CRMP1: variants seen among roughly 807,000 people sequenced by gnomAD.
CRMP1 encodes collapsin response mediator protein 1.
CRMP1 carries 19 observed loss-of-function variants against 68.3 expected under a neutral mutation model. That is an observed-to-expected ratio of 0.28 (90% confidence interval 0.19 to 0.41). The LOEUF is 0.41. CRMP1 is among the 10% of genes least tolerant of loss of function. The probability of loss-of-function intolerance (pLI) is 1.00; values close to 1 mark genes in which losing one functional copy is unlikely to be tolerated. For synonymous variants in CRMP1, 439 were observed against 399.6 expected (o/e 1.10, Z -1.18); for missense variants, 791 against 967.4 (o/e 0.82, Z 2.42).
In CRMP1 at chr4:5,870,350, A is replaced by G. The variant is rs1321456504; in HGVS notation, c.382-3594T>C. Among the ~76,000 whole-genome samples, 1 of 152,226 alleles carries G rather than the reference A, an allele frequency of 6.6e-6. No homozygotes were observed. Among genetic ancestry groups the G allele is most frequent in the Non-Finnish European group, 1.5e-5 (1 of 68,034 alleles). ...TATTTCTAGGTCTGTCTAAAATGTA[A>G]CTTGCCACACTGGAATCACAGCTTT... On this transcript the variant is annotated intron_variant, in intron 1 of 13. Transcript: ENST00000324989. This position sits in a 1 kb window ranked among gnomAD's most constrained non-coding sequence, Gnocchi z 6.0.
Position 5,855,019 on chromosome 4 carries a change from A to T in CRMP1, c.820+1124T>A, listed in dbSNP as rs1404918329. Reference sequence around the variant, plus strand: ...TAAAAAGAAAATAGCTAAGCAAATTAACCATTATATTATACATTACAAGCC... The same window carrying T: ...TAAAAAGAAAATAGCTAAGCAAATTTACCATTATATTATACATTACAAGCC... On this transcript the variant is annotated intron_variant, in intron 4 of 13. Transcript: ENST00000324989. This position sits in a 1 kb window ranked among gnomAD's most constrained non-coding sequence, Gnocchi z 4.9. 6.6e-6 allele frequency among the ~76,000 whole-genome samples: 1 copy of T among 152,234 alleles called. No individual in the cohort carries two copies. Among genetic ancestry groups the T allele is most frequent in the Non-Finnish European group, 1.5e-5 (1 of 68,030 alleles).
intron 11 of CRMP1, among the ~76,000 whole-genome samples, chr4:5,835,247 G>A (rs554210109): frequency 7.2e-5 from 11 of 152,296 alleles, no homozygotes; most frequent in African/African-American, 2.4e-4. Flanking sequence ...GGGTCTGTGC[G>A]TGTAGTTGTT....
At chr4:5,851,957 AAGGAGGAAGAGGAAGAGG>A (rs141990206) in intron 4 of CRMP1, among the ~76,000 whole-genome samples, 98,891 of 141,576 alleles carry the variant, frequency 0.7, 34,847 homozygotes, top group East Asian at 0.85. Flanking sequence ...AAGGGAGAAG[AAGGAGGAAGAGGAAGAGG>A]AGGAGGAAGA....
rs1713287548 is a variant in CRMP1 at position 5,858,381 on chromosome 4, G to A, written c.656-2074C>T. Among the ~76,000 whole-genome samples, 1 of 151,134 alleles carries A rather than the reference G, an allele frequency of 6.6e-6. No individual in the cohort carries two copies. Among genetic ancestry groups the A allele is most frequent in the South Asian group, 2.1e-4 (1 of 4,766 alleles). The stretch of plus-strand genomic sequence containing the variant: ...CTCAAAAGCTCCCCCAAATGAGAAT[G>A]TCCAAAACCTCATGCAATACTCTCC... On this transcript the variant is annotated intron_variant, in intron 3 of 13. Transcript: ENST00000324989. This position sits in a 1 kb window ranked among gnomAD's most constrained non-coding sequence, Gnocchi z 5.5.
chr4:5,860,051 G>A lies in CRMP1; in HGVS notation c.655+975C>T, dbSNP rs1394339751. On this transcript the variant is annotated intron_variant, in intron 3 of 13. Coordinates refer to ENST00000324989, the MANE Select transcript of CRMP1 (RefSeq NM_001014809.3). This position sits in a 1 kb window ranked among gnomAD's most constrained non-coding sequence, Gnocchi z 4.2. ...CATCGGGCTGCACAGGGCAATGGAG[G>A]AGGAGTCCAGTTTCCCAGACCGAGC... Among the ~76,000 whole-genome samples the A allele has an allele frequency of 6.6e-6, 1 of 152,086 alleles. No homozygotes were observed.
chr4:5,825,314 T>A lies in CRMP1; in HGVS notation c.1969+180A>T, dbSNP rs956972452. 2 of 985,094 alleles carry A rather than the reference T, an allele frequency of 2.0e-6. No homozygotes were observed. Among genetic ancestry groups the A allele is most frequent in the African/African-American group, 3.5e-5 (2 of 57,154 alleles). The allele number at this position is 985,094 out of a possible 1,614,324, so 61.0% of individuals were successfully genotyped here. On this transcript the variant is annotated intron_variant, in intron 13 of 13. Coordinates refer to ENST00000324989, the MANE Select transcript of CRMP1 (RefSeq NM_001014809.3). This position sits in a 1 kb window ranked among gnomAD's most constrained non-coding sequence, Gnocchi z 4.4. ...CCCCTAACATGGACCCCCCTCTGCT[T>A]GGTGACCATGCCAGCCCACTCTGCC...
intron 1 of CRMP1, among the ~76,000 whole-genome samples, chr4:5,868,307 A>ATATATATATATCTAT (rs1307956661): frequency 9.4e-6 from 1 of 106,650 alleles, no homozygotes; most frequent in African/African-American, 3.1e-5. Context: ...ATATATACAT[A>ATATATATATATCTAT]ATTTTTTTTT....
Position 5,877,777 on chromosome 4 carries a change from A to G in CRMP1, c.382-11021T>C, listed in dbSNP as rs570737426. 6.6e-6 allele frequency among the ~76,000 whole-genome samples: 1 copy of G among 152,288 alleles called. No individual in the cohort carries two copies. The highest frequency in any genetic ancestry group is 2.1e-4 in the South Asian group (1 of 4,818). On this transcript the variant is annotated intron_variant, in intron 1 of 13. Coordinates refer to ENST00000324989, the MANE Select transcript of CRMP1 (RefSeq NM_001014809.3). This position sits in a 1 kb window ranked among gnomAD's most constrained non-coding sequence, Gnocchi z 4.3. ...GCCTGTTTCCATGACAACTGCAGTT[A>G]TAAGTGCACAATTTCAGGTCCCACT...
chr4:5,876,352 C>A (rs36040327), intron 1 of CRMP1, among the ~76,000 whole-genome samples: 1 of 152,068 alleles, frequency 6.6e-6, no homozygotes. Flanking sequence ...ATGGCCCCCA[C>A]TAGAGCAGTC....
At chr4:5,837,607 G>A (rs1000176136) in intron 9 of CRMP1, among the ~76,000 whole-genome samples, 2 of 118,656 alleles carry the variant, frequency 1.7e-5, no homozygotes, top group Admixed American at 8.1e-5. Flanking sequence ...CAGCCTGGGC[G>A]ACAAGAGCAA....
chr4:5,879,803 A>G lies in CRMP1; in HGVS notation c.381+12786T>C, dbSNP rs1715109464. Among the ~76,000 whole-genome samples the G allele has an allele frequency of 6.6e-6, 1 of 152,206 alleles. No individual in the cohort carries two copies. Among genetic ancestry groups the G allele is most frequent in the Non-Finnish European group, 1.5e-5 (1 of 68,044 alleles). ...CTCGTTTAAGAGGTTCCCAGTAATT[A>G]AAGTTTTATTTGGATTCCTTTTTAT... is the stretch of plus-strand genomic sequence containing the variant. On this transcript the variant is annotated intron_variant, in intron 1 of 13. Transcript: ENST00000324989. This position sits in a 1 kb window ranked among gnomAD's most constrained non-coding sequence, Gnocchi z 4.2.
Position 5,892,661 on chromosome 4 carries a change from G to T in CRMP1, c.309C>A (p.Asp103Glu). 3 of 1,194,544 alleles carry T rather than the reference G, an allele frequency of 2.5e-6. No homozygotes were observed. The highest frequency in any genetic ancestry group is 3.1e-6 in the Non-Finnish European group (3 of 963,972). 74.0% of individuals were successfully genotyped at this position (1,194,544 alleles called of 1,614,324 possible). A position where few individuals can be genotyped will look rare whatever the true frequency, so the allele number is the denominator to read the frequency against. Residue 103 changes from aspartate to glutamate, a missense_variant, in exon 1 of 14, where the codon GAC becomes GAA. By Grantham distance (45) the Asp-to-Glu change is conservative. This residue lies in a region of CRMP1 where 193 missense variants were observed against 186.3 expected (regional missense o/e 1.04). Coordinates refer to ENST00000324989, the MANE Select transcript of CRMP1 (RefSeq NM_001014809.3). This position sits in a 1 kb window ranked among gnomAD's most constrained non-coding sequence, Gnocchi z 8.6. Reference protein sequence around the residue: ...GSAVSSPGERDERPPTLRIRR... With the variant: ...GSAVSSPGEREERPPTLRIRR... ...GGATGCGCAGCGTCGGCGGCCGCTC[G>T]TCGCGCTCTCCGGGAGAGCTGACCG...
chr4:5,835,919 T>A lies in CRMP1; in HGVS notation c.1619A>T (p.Lys540Met). 6.5e-7 allele frequency: 1 copy of A among 1,541,968 alleles called. No individual in the cohort carries two copies. The highest frequency in any genetic ancestry group is 8.7e-7 in the Non-Finnish European group (1 of 1,146,176). Reference protein sequence around the residue: ...KLKTITAKSHKSAVEYNIFEG... With the variant: ...KLKTITAKSHMSAVEYNIFEG... Reference sequence around the variant, plus strand: ...CACAAATAGGCCAGGACTTACCGACTTGTGACTTTTGGCTGTTATGGTCTT... The same window carrying A: ...CACAAATAGGCCAGGACTTACCGACATGTGACTTTTGGCTGTTATGGTCTT... The change falls in exon 11 of 14, where the codon AAG becomes ATG. Residue 540 changes from lysine (K) to methionine (M), a missense_variant. By Grantham distance (95) the Lys-to-Met change is moderately conservative. Transcript: ENST00000324989.
Position 5,888,137 on chromosome 4 carries a change from C to T in CRMP1, c.381+4452G>A, listed in dbSNP as rs2050288073. The T allele has an allele frequency of 1.6e-6, 2 of 1,222,052 alleles. No individual in the cohort carries two copies. Among genetic ancestry groups the T allele is most frequent in the Admixed American group, 4.3e-5 (1 of 23,368 alleles). The allele number at this position is 1,222,052 out of a possible 1,614,324, so 75.7% of individuals were successfully genotyped here. A position where few individuals can be genotyped will look rare whatever the true frequency, so the allele number is the denominator to read the frequency against. ...ACGCAGGAGGCCTCGGGGGGCGCCC[C>T]TGCCGGCGCCCCGTGGATCTGGACC... On this transcript the variant is annotated intron_variant, in intron 1 of 13. Coordinates refer to ENST00000324989, the MANE Select transcript of CRMP1 (RefSeq NM_001014809.3). This position sits in a 1 kb window ranked among gnomAD's most constrained non-coding sequence, Gnocchi z 6.4.
chr4:5,837,412 C>T (rs1272602795), intron 9 of CRMP1, among the ~76,000 whole-genome samples: 1 of 148,974 alleles, frequency 6.7e-6, no homozygotes. Context: ...CACCTGAAGT[C>T]AGGAGATCGG....
In CRMP1 at chr4:5,888,331, C is replaced by T. The variant is rs1715752624; in HGVS notation, c.381+4258G>A. The T allele has an allele frequency of 1.6e-6, 2 of 1,238,164 alleles. No homozygotes were observed. The highest frequency in any genetic ancestry group is 2.0e-6 in the Non-Finnish European group (2 of 986,194). The allele number at this position is 1,238,164 out of a possible 1,614,324, so 76.7% of individuals were successfully genotyped here. ...GGGCTGTCTGACTGGAACCGGCGCT[C>T]TCGGCCCCGCTCCCAGCGGGCGCGC... On this transcript the variant is annotated intron_variant, in intron 1 of 13. Coordinates refer to ENST00000324989, the MANE Select transcript of CRMP1 (RefSeq NM_001014809.3). The surrounding 1 kb of genome is among the most constrained non-coding windows in gnomAD (Gnocchi z 6.4).
chr4:5,845,033 C>T (rs1385245384), intron 6 of CRMP1, among the ~76,000 whole-genome samples: 1 of 152,218 alleles, frequency 6.6e-6, no homozygotes, highest in Non-Finnish European at 1.5e-5. Flanking sequence ...ATAGAAAAAG[C>T]TAGTGCTATG....
intron 9 of CRMP1, among the ~76,000 whole-genome samples, chr4:5,839,030 C>T (rs1158061404): frequency 5.9e-5 from 9 of 152,216 alleles, no homozygotes; most frequent in African/African-American, 1.9e-4. Context: ...CCACAGTGTG[C>T]GTGCACCACA....
chr4:5,884,585 C>A lies in CRMP1; in HGVS notation c.381+8004G>T, dbSNP rs141180591. Among the ~76,000 whole-genome samples, 432 of 152,124 alleles carry A rather than the reference C, an allele frequency of 2.8e-3. 1 individual carries two copies. Among genetic ancestry groups the A allele is most frequent in the African/African-American group, 9.6e-3 (400 of 41,490 alleles). On this transcript the variant is annotated intron_variant, in intron 1 of 13. Transcript: ENST00000324989. ...CTTCCTCCACTGGCCAATGAAGAAC[C>A]TTTACAAGCCTCTGAATCTCTCTGA...
Sources: allele counts gnomAD v4.1 joint callset (sites outside exome capture counted in the v4.1 genomes callset), GRCh38; gene constraint gnomAD v4.1.1; regional missense constraint gnomAD v4.1.1; non-coding constraint Gnocchi (gnomAD v3.1); transcripts MANE v1.5; gene names NCBI Gene and HGNC (gene_info 2026-07-23, HGNC 2026-07-21).